Variants in STAP1 observed in about 807,000 individuals in gnomAD.
STAP1 encodes signal-transducing adaptor protein 1.
STAP1 carries 30 observed loss-of-function variants against 37.8 expected under a neutral mutation model. The ratio of observed to expected loss-of-function variants is 0.79; its 90% CI spans 0.59 to 1.08. STAP1 has a LOEUF of 1.08. STAP1 is among the 50% of genes least tolerant of loss of function. The pLI is 0.00. For synonymous variants in STAP1, 130 were observed against 116.0 expected, an observed-to-expected ratio of 1.12 and a Z score of -0.78; for missense variants, 357 against 349.4, an observed-to-expected ratio of 1.02 and a Z score of -0.17.
At chr4:67,584,487 A>T (rs1727937161) in intron 6 of STAP1, among the ~76,000 whole-genome samples, 1 of 152,210 alleles carries the variant, frequency 6.6e-6, no homozygotes, top group Non-Finnish European at 1.5e-5. Flanking sequence ...GAGTAAAATA[A>T]AGCAGGAAGA....
At chr4:67,593,839 G>T (rs956592273) in intron 8 of STAP1, among the ~76,000 whole-genome samples, 2 of 152,214 alleles carry the variant, frequency 1.3e-5, no homozygotes, top group African/African-American at 4.8e-5. Flanking sequence ...GCAGAAGTCA[G>T]ATTGCAAAAT....
intron 8 of STAP1, among the ~76,000 whole-genome samples, chr4:67,593,852 C>T (rs1009887951): frequency 1.3e-5 from 2 of 152,126 alleles, no homozygotes; most frequent in Non-Finnish European, 2.9e-5. Context: ...TGCAAAATAA[C>T]AAGGAATGAG....
At chr4:67,590,064 A>G (rs1173135060) in intron 6 of STAP1, among the ~76,000 whole-genome samples, 1 of 152,080 alleles carries the variant, frequency 6.6e-6, no homozygotes, top group Non-Finnish European at 1.5e-5. Context: ...TTGGCCTCTC[A>G]AAAGTTCTGG....
intron 2 of STAP1, 79 bp from the exon 3 acceptor site, chr4:67,575,306 T>C: frequency 1.2e-6 from 1 of 862,224 alleles, no homozygotes; most frequent in Non-Finnish European, 1.8e-6. Context: ...AAGGAAGATA[T>C]TACTTATTTT....
intron 1 of STAP1, among the ~76,000 whole-genome samples, chr4:67,568,283 C>A (rs891593552): frequency 1.3e-5 from 2 of 152,190 alleles, no homozygotes; most frequent in Non-Finnish European, 2.9e-5. Context: ...AAAGAGAAAA[C>A]CCTTTATATA....
intron 8 of STAP1, among the ~76,000 whole-genome samples, chr4:67,604,400 G>T (rs1728407519): frequency 6.6e-6 from 1 of 152,120 alleles, no homozygotes; most frequent in African/African-American, 2.4e-5. Flanking sequence ...TGTTTAATTT[G>T]GTGTTCCTGT....
intron 8 of STAP1, among the ~76,000 whole-genome samples, chr4:67,595,279 C>A (rs1049541782): frequency 3.4e-5 from 5 of 149,016 alleles, no homozygotes; most frequent in African/African-American, 1.0e-4. Context: ...CTGAACAGGG[C>A]AGCCCACACC....
At chr4:67,568,581 A>G (rs1727525898) in intron 1 of STAP1, among the ~76,000 whole-genome samples, 1 of 152,202 alleles carries the variant, frequency 6.6e-6, no homozygotes, top group Admixed American at 6.5e-5. Flanking sequence ...AAATATTTTA[A>G]ACTTCAAAAG....
chr4:67,578,290 T>A (rs1727771272), intron 4 of STAP1, among the ~76,000 whole-genome samples: 1 of 152,208 alleles, frequency 6.6e-6, no homozygotes, highest in Admixed American at 6.5e-5. Flanking sequence ...TTTAAAAGGA[T>A]ATAAAAACTG....
intron 8 of STAP1, among the ~76,000 whole-genome samples, chr4:67,598,215 A>G (rs548525836): frequency 2.0e-5 from 3 of 152,220 alleles, no homozygotes; most frequent in Non-Finnish European, 4.4e-5. Flanking sequence ...TCTCTTGGCT[A>G]TTGTGAATAG....
chr4:67,565,594 G>A (rs1727447901), intron 1 of STAP1, among the ~76,000 whole-genome samples: 1 of 152,038 alleles, frequency 6.6e-6, no homozygotes, highest in Non-Finnish European at 1.5e-5. Flanking sequence ...TTTTTAAAGT[G>A]CCTGACATTT....
At chr4:67,564,994 C>T (rs1449490871) in intron 1 of STAP1, among the ~76,000 whole-genome samples, 1 of 152,182 alleles carries the variant, frequency 6.6e-6, no homozygotes, top group African/African-American at 2.4e-5. Context: ...CCATCTCCTC[C>T]TGCACTGTTC....
At position 67,593,315 on chromosome 4, in the gene STAP1, G is replaced by A. The variant is rs267600208; in HGVS notation, c.785G>A (p.Gly262Glu). 1 of 1,613,396 alleles carries A rather than the reference G, an allele frequency of 6.2e-7. No individual in the cohort carries two copies. The highest frequency in any genetic ancestry group is 8.5e-7 in the Non-Finnish European group (1 of 1,179,672). The change falls in exon 8 of 9, where the codon GGA becomes GAA. Residue 262 changes from glycine to glutamate, a missense_variant. Gly to Glu is a moderately conservative substitution (Grantham distance 98, BLOSUM62 -2). Transcript: ENST00000265404. ...GATTATTTTGTGAAGGAGACTCGAG[G>A]AAATTTAAGACCATTTATATGTTCA... ...VIDYFVKETR[G>E]NLRPFICSTD...
chr4:67,585,842 T>C (rs1397575900), intron 6 of STAP1, among the ~76,000 whole-genome samples: 2 of 152,250 alleles, frequency 1.3e-5, no homozygotes, highest in African/African-American at 4.8e-5. Context: ...CTTTACTATA[T>C]CCTGGTCAAG....
At position 67,588,740 on chromosome 4, in the gene STAP1, G is replaced by T. The variant is rs150948979; in HGVS notation, c.660-2144G>T. Among the ~76,000 whole-genome samples, 371 of 152,194 alleles carry T rather than the reference G, an allele frequency of 2.4e-3. 1 individual carries two copies. Among genetic ancestry groups the T allele is most frequent in the African/African-American group, 8.3e-3 (345 of 41,534 alleles). ...ATGGCTTTTAAAAACAACAACAATCGTTGTTCTCCTTATAGGTTACCATTT... is the reference window on the plus strand; with the variant it reads ...ATGGCTTTTAAAAACAACAACAATCTTTGTTCTCCTTATAGGTTACCATTT... On this transcript the variant is annotated intron_variant, in intron 6 of 8. Transcript: ENST00000265404.
chr4:67,605,388 CA>C lies in STAP1; in HGVS notation c.827-893del, dbSNP rs10643250. On this transcript the variant is annotated intron_variant, in intron 8 of 8. Transcript: ENST00000265404. ...GCCAGGGAAGAAAAAATAGACAATA[CA>C]AAAAAAAAAAAAAAGCACCTTAAGG... is the stretch of plus-strand genomic sequence containing the variant. 4.1e-3 allele frequency among the ~76,000 whole-genome samples: 507 copies of C among 124,726 alleles called. 6 individuals are homozygous for C. The highest frequency in any genetic ancestry group is 0.015 in the African/African-American group (481 of 32,564). The allele number at this position is 124,726 out of a possible 152,430, so 81.8% of individuals were successfully genotyped here. A position where few individuals can be genotyped will look rare whatever the true frequency, so the allele number is the denominator to read the frequency against.
At chr4:67,603,023 C>A (rs192161828) in intron 8 of STAP1, among the ~76,000 whole-genome samples, 6 of 152,268 alleles carry the variant, frequency 3.9e-5, no homozygotes, top group African/African-American at 1.4e-4. Flanking sequence ...CATCCAGGAG[C>A]CAGGGCCTGG....
chr4:67,571,682 T>G (rs1727609383), intron 2 of STAP1, among the ~76,000 whole-genome samples: 1 of 152,230 alleles, frequency 6.6e-6, no homozygotes, highest in Non-Finnish European at 1.5e-5. Flanking sequence ...TTTCAAATTT[T>G]GATTGTATGT....
At position 67,606,283 on chromosome 4, in the gene STAP1, C is replaced by G. The variant is rs756268525; in HGVS notation, c.827-13C>G. On this transcript the variant is annotated splice_polypyrimidine_tract_variant and intron_variant, in intron 8 of 8. Coordinates refer to ENST00000265404, the MANE Select transcript of STAP1 (RefSeq NM_012108.4). ...TGGTTCGCTAATTAAGTTTTTCTAC[C>G]CACAATTTCTAGGTCAAGAACCCAG... is the stretch of plus-strand genomic sequence containing the variant. The G allele has an allele frequency of 1.9e-6, 3 of 1,598,610 alleles. 1 individual carries two copies. The South Asian group carries it at 3.4e-5, about 18-fold the overall frequency.
Sources: allele counts gnomAD v4.1 joint callset (sites outside exome capture counted in the v4.1 genomes callset), GRCh38; gene constraint gnomAD v4.1.1; transcripts MANE v1.5; gene names NCBI Gene and HGNC (gene_info 2026-07-23, HGNC 2026-07-21).